Variants in LAMA3 observed in about 807,000 individuals in gnomAD.
The protein encoded by LAMA3 is laminin subunit alpha 3.
In LAMA3, 281 loss-of-function variants were observed where a neutral mutation model predicts 402.0. The observed-to-expected ratio is 0.70, with a 90% CI of 0.63 to 0.77. The LOEUF is 0.77. LAMA3 is among the 30% of genes least tolerant of loss of function. LAMA3 has a pLI of 0.00. For synonymous variants in LAMA3, 1,431 were observed against 1,558.4 expected (o/e 0.92, Z 1.93); for missense variants, 3,840 against 4,215.5 (o/e 0.91, Z 2.47).
intron 60 of LAMA3, among the ~76,000 whole-genome samples, chr18:23,916,912 G>T (rs1009691826): frequency 6.6e-6 from 1 of 151,288 alleles, no homozygotes; most frequent in African/African-American, 2.4e-5. Context: ...GCAGGTGCAG[G>T]TTTGTTATAT....
At chr18:23,844,970 C>A (rs1196104408) in intron 29 of LAMA3, 39 bp from the exon 30 acceptor site, 1 of 1,144,752 alleles carries the variant, frequency 8.7e-7, no homozygotes, top group Non-Finnish European at 1.3e-6. Flanking sequence ...TCTGTGTCAT[C>A]ATTGGAAATT....
intron 2 of LAMA3, among the ~76,000 whole-genome samples, chr18:23,721,024 G>A (rs902498051): frequency 6.6e-6 from 1 of 152,038 alleles, no homozygotes; most frequent in African/African-American, 2.4e-5. Flanking sequence ...CAGGCATGGT[G>A]GCACACACTT....
chr18:23,727,327 T>C, intron 2 of LAMA3, among the ~76,000 whole-genome samples: 1 of 152,114 alleles, frequency 6.6e-6, no homozygotes, highest in South Asian at 2.1e-4. Context: ...GATTGATTGA[T>C]TGATTGATTG....
At chr18:23,925,343 A>C (rs1397061437) in intron 62 of LAMA3, among the ~76,000 whole-genome samples, 1 of 152,222 alleles carries the variant, frequency 6.6e-6, no homozygotes, top group Non-Finnish European at 1.5e-5. Flanking sequence ...ATCAGAAATC[A>C]TTCTGTTAAT....
At chr18:23,848,437 G>T (rs111563162) in intron 32 of LAMA3, among the ~76,000 whole-genome samples, 1 of 152,188 alleles carries the variant, frequency 6.6e-6, no homozygotes. Flanking sequence ...GGGGCTGCAG[G>T]GGCCAGAGAA....
chr18:23,810,225 T>G (rs1598836881), intron 12 of LAMA3, 141 bp from the exon 13 acceptor site: 1 of 954,102 alleles, frequency 1.0e-6, no homozygotes. Context: ...TTGTTTCAGG[T>G]TCCCGATCTC....
intron 6 of LAMA3, among the ~76,000 whole-genome samples, chr18:23,757,806 C>A (rs1208846116): frequency 1.3e-5 from 2 of 152,254 alleles, no homozygotes; most frequent in African/African-American, 4.8e-5. Context: ...CAGATGTACA[C>A]CCTTTTGAAA....
intron 41 of LAMA3, among the ~76,000 whole-genome samples, chr18:23,885,145 G>A (rs1239952857): frequency 6.9e-5 from 4 of 57,734 alleles, no homozygotes; most frequent in African/African-American, 2.3e-4. Flanking sequence ...CTCAACCCCC[G>A]ACACCTCCCT....
chr18:23,889,702 G>GAGGA (rs1395922446), intron 41 of LAMA3, among the ~76,000 whole-genome samples: 1 of 35,824 alleles, frequency 2.8e-5, no homozygotes, highest in Non-Finnish European at 9.9e-5. Flanking sequence ...GGAAGGGAGG[G>GAGGA]AGGAAGGGAG....
At chr18:23,704,496 T>A (rs1345874788) in intron 1 of LAMA3, among the ~76,000 whole-genome samples, 1 of 152,230 alleles carries the variant, frequency 6.6e-6, no homozygotes, top group Non-Finnish European at 1.5e-5. Context: ...AATACTTTGA[T>A]ATAAAGTTCA....
rs2063302883 is a variant in LAMA3 at position 23,822,357 on chromosome 18, A to G, written c.2410A>G (p.Thr804Ala). The G allele has an allele frequency of 6.2e-7, 1 of 1,613,912 alleles. No homozygotes were observed. The change falls in exon 20 of 75, where the codon ACT becomes GCT. Residue 804 changes from threonine (T) to alanine (A), a missense_variant. Coordinates refer to ENST00000313654, the MANE Select transcript of LAMA3 (RefSeq NM_198129.4). ...PGTEAVSGHI[T>A]IYPSWGAAQS... ...AACTGAAGCAGTATCTGGCCATATA[A>G]CTATTTATCCATCCTGGGGTAAGGC...
At chr18:23,921,426 G>A (rs1599103960) in intron 61 of LAMA3, 26 bp from the exon 62 acceptor site, 1 of 1,609,680 alleles carries the variant, frequency 6.2e-7, no homozygotes, top group Non-Finnish European at 8.5e-7. Flanking sequence ...TCGCTGGCTT[G>A]CTGATTCATC....
At chr18:23,729,122 ATGTG>A (rs72333694) in intron 2 of LAMA3, among the ~76,000 whole-genome samples, 73,000 of 146,794 alleles carry the variant, frequency 0.5, 19,118 homozygotes, top group Non-Finnish European at 0.61. Context: ...TTGTGTGTGT[ATGTG>A]TGTGTGTGTG....
At chr18:23,878,774 T>C (rs1220906872) in intron 39 of LAMA3, among the ~76,000 whole-genome samples, 1 of 152,216 alleles carries the variant, frequency 6.6e-6, no homozygotes, top group Non-Finnish European at 1.5e-5. Context: ...TTCAAGATAT[T>C]TCAAGAATAG....
chr18:23,823,883 A>G (rs773254122), intron 20 of LAMA3, among the ~76,000 whole-genome samples: 10 of 152,236 alleles, frequency 6.6e-5, no homozygotes, highest in Non-Finnish European at 1.2e-4. Context: ...ATGTTCATTA[A>G]TAAAAATTAA....
At chr18:23,866,532 A>G (rs1420166783) in intron 36 of LAMA3, among the ~76,000 whole-genome samples, 1 of 152,256 alleles carries the variant, frequency 6.6e-6, no homozygotes, top group Non-Finnish European at 1.5e-5. Context: ...TTTTAGAGTT[A>G]TAGTCTAAGG....
intron 11 of LAMA3, chr18:23,781,225 C>T: frequency 2.3e-6 from 1 of 442,192 alleles, no homozygotes; most frequent in Non-Finnish European, 4.5e-6. Flanking sequence ...TTCCCTTTCC[C>T]TGTGACATTC....
chr18:23,741,407 G>C (rs1383484524), intron 2 of LAMA3, among the ~76,000 whole-genome samples: 1 of 152,056 alleles, frequency 6.6e-6, no homozygotes, highest in African/African-American at 2.4e-5. Context: ...TGTTCTGTGA[G>C]GATTGTACTT....
chr18:23,891,283 T>C lies in LAMA3; in HGVS notation c.5410+1166T>C, dbSNP rs554400043. Among the ~76,000 whole-genome samples the C allele has an allele frequency of 2.1e-4, 32 of 152,350 alleles. 1 individual carries two copies. Among genetic ancestry groups the C allele is most frequent in the Admixed American group, 9.8e-4 (15 of 15,308 alleles). ...TCTTTTGGGCCCACAGAACAGACAA[T>C]GGTTTGTGACAAGAGTCTGTCCAGG... On this transcript the variant is annotated intron_variant, in intron 42 of 74. Transcript: ENST00000313654.
Sources: allele counts gnomAD v4.1 joint callset (sites outside exome capture counted in the v4.1 genomes callset), GRCh38; gene constraint gnomAD v4.1.1; transcripts MANE v1.5; gene names NCBI Gene and HGNC (gene_info 2026-07-23, HGNC 2026-07-21).